Variants in DLGAP1 observed in about 807,000 individuals in gnomAD.
DLGAP1 encodes DLG associated protein 1.
A neutral mutation model predicts 90.8 loss-of-function variants in DLGAP1; 11 were observed. The ratio of observed to expected loss-of-function variants is 0.12; its 90% CI spans 0.08 to 0.20. The LOEUF is 0.20. Ranked by LOEUF, DLGAP1 falls within the 10% of genes least tolerant of loss-of-function variation. The pLI is 1.00. For missense variants in DLGAP1, 1,050 were observed against 1,333.8 expected, an observed-to-expected ratio of 0.79 and a Z score of 3.31; for synonymous variants, 558 against 540.7, an observed-to-expected ratio of 1.03 and a Z score of -0.44.
At chr18:3,683,729 A>G (rs1038250562) in intron 7 of DLGAP1, among the ~76,000 whole-genome samples, 3 of 152,230 alleles carry the variant, frequency 2.0e-5, no homozygotes, top group African/African-American at 7.2e-5. Flanking sequence ...GAACACTTGT[A>G]AGACTGTAAA....
In DLGAP1 at chr18:3,883,645, CA is replaced by C. The variant is rs540029228; in HGVS notation, c.-72-3506del. Among the ~76,000 whole-genome samples the C allele has an allele frequency of 8.5e-5, 13 of 152,314 alleles. No individual in the cohort carries two copies. The South Asian group carries it at 2.7e-3, about 32-fold the overall frequency. ...CTTAATGCATTAATGCAAAATTTCC[CA>C]AAGTGGTTCATAGTGTGATTCAAGT... On this transcript the variant is annotated intron_variant, in intron 3 of 12. Transcript: ENST00000315677.
chr18:4,080,787 A>G (rs183681407), intron 2 of DLGAP1, among the ~76,000 whole-genome samples: 12 of 152,004 alleles, frequency 7.9e-5, no homozygotes, highest in African/African-American at 2.7e-4. Context: ...GTGAGCCACC[A>G]TTCTTTCTGT....
chr18:4,013,575 T>C (rs1217464427), intron 2 of DLGAP1: 2 of 152,260 alleles, frequency 1.3e-5, no homozygotes, highest in African/African-American at 4.8e-5. Context: ...AATTTCTATA[T>C]GCTCCATTCT....
intron 1 of DLGAP1, among the ~76,000 whole-genome samples, chr18:4,343,287 A>G (rs1399653935): frequency 6.7e-6 from 1 of 150,012 alleles, no homozygotes; most frequent in African/African-American, 2.5e-5. Context: ...AGCCTGGGCG[A>G]CAGAGCAACA....
At chr18:3,513,752 G>A (rs538936533) in intron 10 of DLGAP1, among the ~76,000 whole-genome samples, 1 of 152,254 alleles carries the variant, frequency 6.6e-6, no homozygotes, top group African/African-American at 2.4e-5. Flanking sequence ...GTGGGAAAGG[G>A]GAGTCTTTTA....
intron 3 of DLGAP1, among the ~76,000 whole-genome samples, chr18:3,917,749 T>C (rs984467143): frequency 6.6e-6 from 1 of 152,210 alleles, no homozygotes; most frequent in African/African-American, 2.4e-5. Flanking sequence ...TAAGGCTATG[T>C]AGTAAATACT....
At chr18:3,908,813 G>A (rs1158688913) in intron 3 of DLGAP1, among the ~76,000 whole-genome samples, 1 of 152,174 alleles carries the variant, frequency 6.6e-6, no homozygotes, top group Non-Finnish European at 1.5e-5. Context: ...TGTGTTTGAA[G>A]TATCATGCCA....
At position 4,378,584 on chromosome 18, in the gene DLGAP1, A is replaced by G. The variant is rs887091773; in HGVS notation, c.-267+76422T>C. On this transcript the variant is annotated intron_variant, in intron 1 of 12. Transcript: ENST00000315677. The surrounding 1 kb of genome is among the most constrained non-coding windows in gnomAD (Gnocchi z 4.5). Reference sequence around the variant, plus strand: ...AAACCAAAATCAACAAATAAAATCAAGCTCTTAGAGTGCTTAAGAATCCAT... The same window carrying G: ...AAACCAAAATCAACAAATAAAATCAGGCTCTTAGAGTGCTTAAGAATCCAT... Among the ~76,000 whole-genome samples the G allele has an allele frequency of 6.6e-6, 1 of 152,142 alleles. No homozygotes were observed. The highest frequency in any genetic ancestry group is 2.4e-5 in the African/African-American group (1 of 41,446).
At chr18:3,922,008 A>T (rs2072278807) in intron 3 of DLGAP1, among the ~76,000 whole-genome samples, 1 of 152,088 alleles carries the variant, frequency 6.6e-6, no homozygotes, top group Non-Finnish European at 1.5e-5. Context: ...ACCTGAGGGG[A>T]TGCCAACATT....
At chr18:4,364,783 G>A (rs1010461865) in intron 1 of DLGAP1, among the ~76,000 whole-genome samples, 1 of 152,090 alleles carries the variant, frequency 6.6e-6, no homozygotes, top group South Asian at 2.1e-4. Context: ...ACTTTTTGAT[G>A]TGGGCATTTA....
At chr18:4,333,521 G>A (rs2080997133) in intron 1 of DLGAP1, among the ~76,000 whole-genome samples, 1 of 151,130 alleles carries the variant, frequency 6.6e-6, no homozygotes, top group Non-Finnish European at 1.5e-5. Flanking sequence ...TGTTATAATG[G>A]ACCATATCTT....
At chr18:3,979,405 T>C (rs1283912590) in intron 3 of DLGAP1, among the ~76,000 whole-genome samples, 1 of 152,098 alleles carries the variant, frequency 6.6e-6, no homozygotes, top group Non-Finnish European at 1.5e-5. Flanking sequence ...CACTCTATAA[T>C]GTTCACTCAG....
intron 1 of DLGAP1, among the ~76,000 whole-genome samples, chr18:4,180,065 GGATCTCCCTCGT>G (rs1310300348): frequency 2.6e-5 from 4 of 152,108 alleles, no homozygotes; most frequent in African/African-American, 9.7e-5. Flanking sequence ...ACAGCAACAT[GGATCTCCCTCGT>G]GATCTCCCTC....
chr18:4,263,087 C>T (rs1328495696), intron 1 of DLGAP1, among the ~76,000 whole-genome samples: 1 of 152,106 alleles, frequency 6.6e-6, no homozygotes, highest in Non-Finnish European at 1.5e-5. Flanking sequence ...GCACGTGCCA[C>T]CACGTCCAGC....
At chr18:4,296,505 T>C (rs552685787) in intron 1 of DLGAP1, among the ~76,000 whole-genome samples, 1 of 152,350 alleles carries the variant, frequency 6.6e-6, no homozygotes, top group Non-Finnish European at 1.5e-5. Flanking sequence ...TTTGTTGAAT[T>C]TCTAAAATCT....
chr18:3,568,908 G>A (rs1056416173), intron 8 of DLGAP1, among the ~76,000 whole-genome samples: 20 of 151,644 alleles, frequency 1.3e-4, no homozygotes, highest in Admixed American at 3.9e-4. Context: ...GGATGGTCTC[G>A]ATCTCCTGAC....
chr18:3,617,256 T>A (rs759504691), intron 7 of DLGAP1, among the ~76,000 whole-genome samples: 13 of 152,156 alleles, frequency 8.5e-5, no homozygotes, highest in Non-Finnish European at 1.9e-4. Flanking sequence ...GGATTCAAAC[T>A]GAGGCTGGCC....
chr18:4,390,592 T>A (rs912252141), intron 1 of DLGAP1, among the ~76,000 whole-genome samples: 1 of 152,218 alleles, frequency 6.6e-6, no homozygotes, highest in African/African-American at 2.4e-5. Flanking sequence ...CTGACCTTTC[T>A]AGAACGTCAT....
chr18:4,188,289 AAT>A (rs1261598004), intron 1 of DLGAP1, among the ~76,000 whole-genome samples: 1 of 152,132 alleles, frequency 6.6e-6, no homozygotes, highest in Non-Finnish European at 1.5e-5. Context: ...ATTTACTGAA[AAT>A]ATGTTAGGCA....
Sources: gnomAD v4.1 joint callset for allele counts (sites outside exome capture counted in the v4.1 genomes callset) on GRCh38, gnomAD v4.1.1 for gene constraint, Gnocchi (gnomAD v3.1) non-coding constraint, MANE v1.5 for transcripts, NCBI Gene and HGNC (gene_info 2026-07-23, HGNC 2026-07-21) for gene names.